Variants in PRDM16 observed in about 807,000 individuals in gnomAD.
PRDM16 encodes PR/SET domain 16.
In PRDM16, 23 loss-of-function variants were observed where a neutral mutation model predicts 110.6. That is an observed-to-expected ratio of 0.21 (90% confidence interval 0.15 to 0.29). The LOEUF (loss-of-function observed/expected upper bound fraction) is 0.29. Among genes scored for constraint, PRDM16 ranks in the 10% least tolerant of loss-of-function variants. PRDM16 has a pLI of 1.00. For synonymous variants in PRDM16, 799 were observed against 781.8 expected, an observed-to-expected ratio of 1.02 and a Z score of -0.37; for missense variants, 1,615 against 1,794.3, an observed-to-expected ratio of 0.90 and a Z score of 1.81.
Position 3,437,059 on chromosome 1 carries a change from CCCTT to C in PRDM16, c.*3250_*3253del. 4.3e-6 allele frequency: 1 copy of C among 232,926 alleles called. No individual in the cohort carries two copies. Among genetic ancestry groups the C allele is most frequent in the Non-Finnish European group, 8.5e-6 (1 of 117,878 alleles). 14.4% of individuals were successfully genotyped at this position (232,926 alleles called of 1,614,324 possible). A position where few individuals can be genotyped will look rare whatever the true frequency, so the allele number is the denominator to read the frequency against. Reference sequence around the variant, plus strand: ...GTTCCTCCTCTGTGGGCCTGGCAGACCCTTCATGAGTGGGACCCAAGATATCACT... The same window carrying C: ...GTTCCTCCTCTGTGGGCCTGGCAGACCATGAGTGGGACCCAAGATATCACT... On this transcript the variant is annotated 3_prime_UTR_variant, in exon 17 of 17. Coordinates refer to ENST00000270722, the MANE Select transcript of PRDM16 (RefSeq NM_022114.4).
At chr1:3,115,403 C>G (rs144912114) in intron 1 of PRDM16, among the ~76,000 whole-genome samples, 1 of 152,194 alleles carries the variant, frequency 6.6e-6, no homozygotes, top group Non-Finnish European at 1.5e-5. Context: ...GCAAACCCAG[C>G]GGGACGGGGA....
At chr1:3,168,705 A>T (rs1035598276) in intron 1 of PRDM16, among the ~76,000 whole-genome samples, 8 of 152,176 alleles carry the variant, frequency 5.3e-5, no homozygotes, top group Non-Finnish European at 1.2e-4. Context: ...TGTGCAAAAA[A>T]TGGTTAAAGT....
At chr1:3,287,350 CGGGGCTGG>C in intron 3 of PRDM16, among the ~76,000 whole-genome samples, 1 of 106,622 alleles carries the variant, frequency 9.4e-6, no homozygotes, top group African/African-American at 3.9e-5. Context: ...TTGCATTTAC[CGGGGCTGG>C]AGCCGCCCCG....
intron 2 of PRDM16, among the ~76,000 whole-genome samples, chr1:3,225,638 AGAATTCTAACTTATTTTG>A (rs1639273011): frequency 6.6e-6 from 1 of 150,724 alleles, no homozygotes; most frequent in Non-Finnish European, 1.5e-5. Context: ...TGGGTCTTCA[AGAATTCTAACTTATTTTG>A]GCGTGGAATG....
intron 12 of PRDM16, among the ~76,000 whole-genome samples, chr1:3,422,818 C>T (rs947687250): frequency 1.3e-5 from 2 of 152,230 alleles, no homozygotes; most frequent in African/African-American, 4.8e-5. Flanking sequence ...TTGTGGATGG[C>T]CAGTCCAAGC....
intron 1 of PRDM16, among the ~76,000 whole-genome samples, chr1:3,079,659 A>G (rs941133701): frequency 6.6e-6 from 1 of 151,962 alleles, no homozygotes; most frequent in African/African-American, 2.4e-5. Context: ...CTACTTGAAA[A>G]CCAGAGGGTG....
rs1045343029 is a variant in PRDM16 at position 3,157,303 on chromosome 1, C to A, written c.38-28822C>A. Among the ~76,000 whole-genome samples, 1 of 152,050 alleles carries A rather than the reference C, an allele frequency of 6.6e-6. No individual in the cohort carries two copies. Among genetic ancestry groups the A allele is most frequent in the African/African-American group, 2.4e-5 (1 of 41,402 alleles). On this transcript the variant is annotated intron_variant, in intron 1 of 16. Coordinates refer to ENST00000270722, the MANE Select transcript of PRDM16 (RefSeq NM_022114.4). This position sits in a 1 kb window ranked among gnomAD's most constrained non-coding sequence, Gnocchi z 4.8. ...ATTTCAGATACACAGCACACAAGTA[C>A]GTCCCAAACACAGCCAGCATTTTGT...
In PRDM16 at chr1:3,255,071, TAATA is replaced by T. The variant is rs1462118570; in HGVS notation, c.438+10938_438+10941del. ...AGCAATGGGGAAAGGATTCCCTATT[TAATA>T]AATGGTGCTGGGAAAACTGGCTAGC... is the stretch of plus-strand genomic sequence containing the variant. On this transcript the variant is annotated intron_variant, in intron 3 of 16. Coordinates refer to ENST00000270722, the MANE Select transcript of PRDM16 (RefSeq NM_022114.4). The surrounding 1 kb of genome is among the most constrained non-coding windows in gnomAD (Gnocchi z 4.7). Among the ~76,000 whole-genome samples, 1 of 151,940 alleles carries T rather than the reference TAATA, an allele frequency of 6.6e-6. No homozygotes were observed. Among genetic ancestry groups the T allele is most frequent in the African/African-American group, 2.4e-5 (1 of 41,358 alleles).
At chr1:3,131,629 A>G (rs1274676075) in intron 1 of PRDM16, among the ~76,000 whole-genome samples, 1 of 152,258 alleles carries the variant, frequency 6.6e-6, no homozygotes, top group Non-Finnish European at 1.5e-5. Flanking sequence ...ACCATGAGCA[A>G]AATTTTTGCA....
At chr1:3,093,962 GC>G (rs1272096676) in intron 1 of PRDM16, among the ~76,000 whole-genome samples, 1 of 152,226 alleles carries the variant, frequency 6.6e-6, no homozygotes, top group Non-Finnish European at 1.5e-5. Flanking sequence ...TTTAGAAGTT[GC>G]CATGAGTGTG....
rs189609162 is a variant in PRDM16 at position 3,081,055 on chromosome 1, C to T, written c.37+11759C>T. ...GCTCAGAGAATCGGGGGGCAGATAGCGTAGCCACGAGGGGCTCTCTGGTTT... is the reference window on the plus strand; with the variant it reads ...GCTCAGAGAATCGGGGGGCAGATAGTGTAGCCACGAGGGGCTCTCTGGTTT... On this transcript the variant is annotated intron_variant, in intron 1 of 16. Transcript: ENST00000270722. The surrounding 1 kb of genome is among the most constrained non-coding windows in gnomAD (Gnocchi z 4.6). Among the ~76,000 whole-genome samples the T allele has an allele frequency of 2.6e-5, 4 of 152,258 alleles. No individual in the cohort carries two copies. The highest frequency in any genetic ancestry group is 2.6e-4 in the Admixed American group (4 of 15,294).
At chr1:3,351,194 G>T (rs1470300402) in intron 3 of PRDM16, among the ~76,000 whole-genome samples, 1 of 152,130 alleles carries the variant, frequency 6.6e-6, no homozygotes, top group Non-Finnish European at 1.5e-5. Flanking sequence ...CCCGGCCCCT[G>T]GCCAGTGCCA....
intron 1 of PRDM16, among the ~76,000 whole-genome samples, chr1:3,114,227 G>GAA (rs1557456221): frequency 4.3e-5 from 4 of 92,938 alleles, no homozygotes; most frequent in South Asian, 3.8e-4. Context: ...GAACACACAC[G>GAA]CACACACGCA....
rs927412647 is a variant in PRDM16 at position 3,273,976 on chromosome 1, TAAAAAAAAAAAAA to T, written c.438+29850_438+29862del. Among the ~76,000 whole-genome samples the T allele has an allele frequency of 2.7e-3, 182 of 68,542 alleles. 2 individuals are homozygous for T. In the East Asian group the frequency reaches 0.068, roughly 26 times the overall value. 45.0% of individuals were successfully genotyped at this position (68,542 alleles called of 152,430 possible). ...TCACCGTGGACTTGGTATGGGGAGGTAAAAAAAAAAAAAAAAAAAAAAAGCCACTGAAAGGGAA... is the reference window on the plus strand; with the variant it reads ...TCACCGTGGACTTGGTATGGGGAGGTAAAAAAAAAAGCCACTGAAAGGGAA... On this transcript the variant is annotated intron_variant, in intron 3 of 16. Transcript: ENST00000270722.
rs568375178 is a variant in PRDM16, at chr1:3,168,464, G to C, written c.38-17661G>C. On this transcript the variant is annotated intron_variant, in intron 1 of 16. Transcript: ENST00000270722. ...CCGCGGTGGAAGGAACAGGTGGAAA[G>C]ATTGTTGAGACTTGTAAATTAGTTG... Among the ~76,000 whole-genome samples, 3 of 150,788 alleles carry C rather than the reference G, an allele frequency of 2.0e-5. No homozygotes were observed. In the South Asian group the frequency reaches 6.4e-4, roughly 32 times the overall value.
chr1:3,409,815 ATGTGTGTGGT>A (rs1218968298), intron 8 of PRDM16, among the ~76,000 whole-genome samples: 9 of 49,928 alleles, frequency 1.8e-4, no homozygotes, highest in Non-Finnish European at 6.9e-5. Context: ...GTATGTGTGC[ATGTGTGTGGT>A]TGTGTGTGGG....
intron 14 of PRDM16, among the ~76,000 whole-genome samples, chr1:3,428,665 G>A (rs1174241971): frequency 6.6e-6 from 1 of 152,348 alleles, no homozygotes; most frequent in Non-Finnish European, 1.5e-5. Context: ...TGCAGAACCA[G>A]CTCCTGCCCT....
At chr1:3,355,026 CA>C (rs1004591091) in intron 3 of PRDM16, among the ~76,000 whole-genome samples, 6 of 152,146 alleles carry the variant, frequency 3.9e-5, no homozygotes, top group African/African-American at 1.4e-4. Context: ...GGCTGAGCAC[CA>C]GGGGGGAACC....
In PRDM16 at chr1:3,290,219, G is replaced by A. The variant is rs1256718566; in HGVS notation, c.438+46082G>A. ...CAGGGGCTCCCCTTGAGGTGGGCAG[G>A]TTTCCAGGCATTTGGAAGTAGACAT... On this transcript the variant is annotated intron_variant, in intron 3 of 16. Coordinates refer to ENST00000270722, the MANE Select transcript of PRDM16 (RefSeq NM_022114.4). The surrounding 1 kb of genome is among the most constrained non-coding windows in gnomAD (Gnocchi z 4.8). Among the ~76,000 whole-genome samples the A allele has an allele frequency of 2.6e-5, 4 of 152,208 alleles. No individual in the cohort carries two copies. Among genetic ancestry groups the A allele is most frequent in the Admixed American group, 1.3e-4 (2 of 15,292 alleles).
Sources: gnomAD v4.1 joint callset for allele counts (sites outside exome capture counted in the v4.1 genomes callset) on GRCh38, gnomAD v4.1.1 for gene constraint, Gnocchi (gnomAD v3.1) non-coding constraint, MANE v1.5 for transcripts, NCBI Gene and HGNC (gene_info 2026-07-23, HGNC 2026-07-21) for gene names.